Variants in VPS4A observed in about 807,000 individuals in gnomAD.
The protein encoded by VPS4A is vacuolar protein sorting 4 homolog A.
VPS4A carries 20 observed loss-of-function variants against 52.3 expected under a neutral mutation model. The ratio of observed to expected loss-of-function variants is 0.38; its 90% CI spans 0.27 to 0.56. VPS4A has a LOEUF of 0.56. Ranked by LOEUF, VPS4A falls within the 20% of genes least tolerant of loss-of-function variation. The pLI, the probability that VPS4A is intolerant of heterozygous loss-of-function variation, is 0.72. For synonymous variants in VPS4A, 293 were observed against 227.7 expected, an observed-to-expected ratio of 1.29 and a Z score of -2.58; for missense variants, 419 against 575.9, an observed-to-expected ratio of 0.73 and a Z score of 2.79.
intron 5 of VPS4A, among the ~76,000 whole-genome samples, 160 bp downstream of exon 5, chr16:69,319,102 G>C (rs977145491): frequency 1.3e-5 from 2 of 152,140 alleles, no homozygotes; most frequent in African/African-American, 4.8e-5. Flanking sequence ...TGTGGCTGGA[G>C]CTATGAGATG....
chr16:69,315,153 C>T (rs1332333210), intron 1 of VPS4A, among the ~76,000 whole-genome samples: 3 of 152,018 alleles, frequency 2.0e-5, no homozygotes, highest in African/African-American at 4.8e-5. Flanking sequence ...GAGCCGAGAT[C>T]GCGCCAGTGC....
intron 1 of VPS4A, among the ~76,000 whole-genome samples, chr16:69,315,453 T>C (rs1965424385): frequency 6.6e-6 from 1 of 152,218 alleles, no homozygotes; most frequent in Non-Finnish European, 1.5e-5. Flanking sequence ...GGAAACTGTC[T>C]TCTCTCTGCA....
At chr16:69,316,163 G>A (rs376423657) in intron 2 of VPS4A, 44 bp downstream of exon 2, 20 of 1,611,976 alleles carry the variant, frequency 1.2e-5, no homozygotes, top group Non-Finnish European at 1.6e-5. Flanking sequence ...CTCCAGAGGG[G>A]AGCGGAGGAG....
Position 69,321,974 on chromosome 16 carries a change from A to G in VPS4A, c.1072-586A>G, listed in dbSNP as rs77162820. 7,045 of 156,770 alleles carry G rather than the reference A, an allele frequency of 0.045. 457 individuals are homozygous for G. Among genetic ancestry groups the G allele is most frequent in the African/African-American group, 0.14 (5,663 of 41,592 alleles). 9.7% of individuals were successfully genotyped at this position (156,770 alleles called of 1,614,324 possible). A position where few individuals can be genotyped will look rare whatever the true frequency, so the allele number is the denominator to read the frequency against. Reference sequence around the variant, plus strand: ...GTTAATCTATTTTCATGCTGCTGATAAAGACATACCCGAGACTGGGAAGAA... The same window carrying G: ...GTTAATCTATTTTCATGCTGCTGATGAAGACATACCCGAGACTGGGAAGAA... On this transcript the variant is annotated intron_variant, in intron 9 of 10. Coordinates refer to ENST00000254950, the MANE Select transcript of VPS4A (RefSeq NM_013245.3). The surrounding 1 kb of genome is among the most constrained non-coding windows in gnomAD (Gnocchi z 4.5).
intron 3 of VPS4A, 130 bp from the exon 4 acceptor site, chr16:69,318,520 C>G: frequency 5.1e-6 from 5 of 978,424 alleles, no homozygotes; most frequent in Non-Finnish European, 7.7e-6. Flanking sequence ...GCTTGAGTCA[C>G]ACGGCACTGT....
At chr16:69,323,944 CAAAAAA>C (rs373024058) in intron 10 of VPS4A, among the ~76,000 whole-genome samples, 3 of 99,530 alleles carry the variant, frequency 3.0e-5, no homozygotes, top group African/African-American at 3.7e-5. Context: ...ACTCCGTCTC[CAAAAAA>C]AAAAAAAAAA....
chr16:69,316,382 T>C lies in VPS4A; in HGVS notation c.281+10T>C, dbSNP rs1232899787. Reference sequence around the variant, plus strand: ...AGAGTGAGGGCAAGGGGTGAGTGTCTGCAGCGTCCGCCCAGGAACCTGGGC... The same window carrying C: ...AGAGTGAGGGCAAGGGGTGAGTGTCCGCAGCGTCCGCCCAGGAACCTGGGC... On this transcript the variant is annotated intron_variant, in intron 3 of 10. Coordinates refer to ENST00000254950, the MANE Select transcript of VPS4A (RefSeq NM_013245.3). 1 of 1,613,262 alleles carries C rather than the reference T, an allele frequency of 6.2e-7. No homozygotes were observed. Among genetic ancestry groups the C allele is most frequent in the Non-Finnish European group, 8.5e-7 (1 of 1,179,520 alleles).
rs71383985 is a variant in VPS4A, at chr16:69,313,985, C to CTTTTTT, written c.22-2008_22-2003dup. 2.6e-4 allele frequency among the ~76,000 whole-genome samples: 31 copies of CTTTTTT among 118,662 alleles called. 1 individual carries two copies. The highest frequency in any genetic ancestry group is 9.2e-3 in the Middle Eastern group (2 of 218). The allele number at this position is 118,662 out of a possible 152,430, so 77.8% of individuals were successfully genotyped here. A position where few individuals can be genotyped will look rare whatever the true frequency, so the allele number is the denominator to read the frequency against. The stretch of plus-strand genomic sequence containing the variant: ...GGCTGCCAGAAAAGTCCAGTGCACT[C>CTTTTTT]TTTTTTTTTTTTTTTTTTTTGAGAT... On this transcript the variant is annotated intron_variant, in intron 1 of 10. Coordinates refer to ENST00000254950, the MANE Select transcript of VPS4A (RefSeq NM_013245.3).
chr16:69,324,304 A>G lies in VPS4A; in HGVS notation c.1309A>G (p.Ser437Gly). Reference protein sequence around the residue: ...KKFSEDFGQES With the variant: ...KKFSEDFGQEG ...ATTCTCAGAGGACTTTGGGCAAGAG[A>G]GTTAAAAGCTGCTTCACTTGGGCAA... The change falls in exon 11 of 11, where the codon AGT becomes GGT. Residue 437 changes from serine to glycine, a missense_variant. Ser to Gly is a moderately conservative substitution (Grantham distance 56). Around this residue, in one of 3 missense-constraint regions of VPS4A, gnomAD observed 185 missense variants for 200.2 expected, o/e 0.92. Transcript: ENST00000254950. 6.2e-7 allele frequency: 1 copy of G among 1,613,564 alleles called. No individual in the cohort carries two copies. Among genetic ancestry groups the G allele is most frequent in the Non-Finnish European group, 8.5e-7 (1 of 1,179,736 alleles).
chr16:69,314,182 G>A (rs1965409469), intron 1 of VPS4A, among the ~76,000 whole-genome samples: 1 of 151,766 alleles, frequency 6.6e-6, no homozygotes, highest in African/African-American at 2.4e-5. Context: ...AGCCAGGATG[G>A]TCTCAATCTC....
At chr16:69,316,165 GC>G (rs1965433496) in intron 2 of VPS4A, 46 bp downstream of exon 2, 1 of 1,611,944 alleles carries the variant, frequency 6.2e-7, no homozygotes, top group African/African-American at 1.3e-5. Flanking sequence ...CCAGAGGGGA[GC>G]GGAGGAGAGG....
chr16:69,321,326 G>GTT lies in VPS4A; in HGVS notation c.1071+65_1071+66dup. 1.8e-5 allele frequency: 25 copies of GTT among 1,390,882 alleles called. No individual in the cohort carries two copies. Among genetic ancestry groups the GTT allele is most frequent in the Non-Finnish European group, 2.0e-5 (21 of 1,035,036 alleles). 86.2% of individuals were successfully genotyped at this position (1,390,882 alleles called of 1,614,324 possible). A position where few individuals can be genotyped will look rare whatever the true frequency, so the allele number is the denominator to read the frequency against. On this transcript the variant is annotated intron_variant, in intron 9 of 10. Transcript: ENST00000254950. The surrounding 1 kb of genome is among the most constrained non-coding windows in gnomAD (Gnocchi z 4.5). Reference sequence around the variant, plus strand: ...TCTCATAGTAAGAGCGGGATGTTCGGTTTTTTTTTTCCCAGCTCCTGGTCC... The same window carrying GTT: ...TCTCATAGTAAGAGCGGGATGTTCGGTTTTTTTTTTTTCCCAGCTCCTGGTCC...
chr16:69,318,525 C>A, intron 3 of VPS4A, 125 bp from the exon 4 acceptor site: 1 of 1,019,900 alleles, frequency 9.8e-7, no homozygotes, highest in Non-Finnish European at 1.5e-6. Context: ...AGTCACACGG[C>A]ACTGTTAAGC....
Position 69,320,897 on chromosome 16 carries a change from C to T in VPS4A, c.851+128C>T. The T allele has an allele frequency of 8.0e-7, 1 of 1,245,418 alleles. No individual in the cohort carries two copies. Among genetic ancestry groups the T allele is most frequent in the Non-Finnish European group, 1.1e-6 (1 of 884,228 alleles). The allele number at this position is 1,245,418 out of a possible 1,614,324, so 77.1% of individuals were successfully genotyped here. Reference sequence around the variant, plus strand: ...GGAGTCTTCCCGTCTGCCTGCCAAGCAGAGCCCTTTGTGAGGCTGGCTTGT... The same window carrying T: ...GGAGTCTTCCCGTCTGCCTGCCAAGTAGAGCCCTTTGTGAGGCTGGCTTGT... On this transcript the variant is annotated intron_variant, in intron 8 of 10. Transcript: ENST00000254950. The surrounding 1 kb of genome is among the most constrained non-coding windows in gnomAD (Gnocchi z 4.2).
At chr16:69,312,643 C>T (rs1042645854) in intron 1 of VPS4A, among the ~76,000 whole-genome samples, 1 of 152,052 alleles carries the variant, frequency 6.6e-6, no homozygotes, top group Non-Finnish European at 1.5e-5. Context: ...GATGGAGTCT[C>T]ACTCTGTCAC....
chr16:69,315,791 C>T (rs956032001), intron 1 of VPS4A, among the ~76,000 whole-genome samples: 1 of 152,166 alleles, frequency 6.6e-6, no homozygotes. Flanking sequence ...GGCTTTTAAC[C>T]GTCTGAGCTT....
At position 69,321,404 on chromosome 16, in the gene VPS4A, G is replaced by C. The variant is rs1488966533; in HGVS notation, c.1071+134G>C. 1 of 958,832 alleles carries C rather than the reference G, an allele frequency of 1.0e-6. No individual in the cohort carries two copies. The highest frequency in any genetic ancestry group is 1.5e-6 in the Non-Finnish European group (1 of 649,858). 59.4% of individuals were successfully genotyped at this position (958,832 alleles called of 1,614,324 possible). On this transcript the variant is annotated intron_variant, in intron 9 of 10. Coordinates refer to ENST00000254950, the MANE Select transcript of VPS4A (RefSeq NM_013245.3). The surrounding 1 kb of genome is among the most constrained non-coding windows in gnomAD (Gnocchi z 4.5). ...TCTCTGAGGCCTCCTGGAGAGCCGA[G>C]GGCCAGTGCCATGGGGGCTGCACCC...
At chr16:69,311,807 G>T (rs901071111) in intron 1 of VPS4A, among the ~76,000 whole-genome samples, 1 of 152,236 alleles carries the variant, frequency 6.6e-6, no homozygotes, top group African/African-American at 2.4e-5. Flanking sequence ...GTGGGGATCA[G>T]CCTCACCCGA....
intron 3 of VPS4A, among the ~76,000 whole-genome samples, chr16:69,317,792 T>TA (rs547939888): frequency 4.8e-5 from 7 of 147,216 alleles, no homozygotes; most frequent in African/African-American, 7.5e-5. Context: ...GACTCTGTCT[T>TA]AAAAAAAAAA....
Sources: gnomAD v4.1 joint callset for allele counts (sites outside exome capture counted in the v4.1 genomes callset) on GRCh38, gnomAD v4.1.1 for gene constraint, gnomAD v4.1.1 regional missense constraint, Gnocchi (gnomAD v3.1) non-coding constraint, MANE v1.5 for transcripts, NCBI Gene and HGNC (gene_info 2026-07-23, HGNC 2026-07-21) for gene names.